The following DNAH8 variants were observed in gnomAD, a reference collection of about 807,000 sequenced individuals.
DNAH8 encodes axonemal beta dynein heavy chain 8.
A neutral mutation model predicts 562.1 loss-of-function variants in DNAH8; 382 were observed. The observed-to-expected ratio is 0.68, with a 90% CI of 0.63 to 0.74. The LOEUF (loss-of-function observed/expected upper bound fraction) is 0.74, where lower values mean the gene tolerates loss of function less well. DNAH8 is among the 30% of genes least tolerant of loss of function. The pLI is 0.00. For synonymous variants in DNAH8, 1,881 were observed against 1,919.4 expected (o/e 0.98, Z 0.52); for missense variants, 5,203 against 5,620.4 (o/e 0.93, Z 2.37).
chr6:38,840,012 C>T (rs1465871628), intron 33 of DNAH8, among the ~76,000 whole-genome samples: 1 of 152,162 alleles, frequency 6.6e-6, no homozygotes, highest in Non-Finnish European at 1.5e-5. Flanking sequence ...AGAGTAAACT[C>T]AAACTTTTAT....
chr6:38,732,553 C>T lies in DNAH8; in HGVS notation c.611-1921C>T, dbSNP rs549544082. 3.7e-4 allele frequency among the ~76,000 whole-genome samples: 57 copies of T among 152,040 alleles called. 1 individual carries two copies. Among genetic ancestry groups the T allele is most frequent in the African/African-American group, 8.0e-4 (33 of 41,466 alleles). ...GAGTGGAAAGCAGTGTTTCGGGAGG[C>T]GGAAGGTGGATAACAAAATTTAGAA... On this transcript the variant is annotated intron_variant, in intron 4 of 92. Coordinates refer to ENST00000327475, the MANE Select transcript of DNAH8 (RefSeq NM_001206927.2).
At chr6:38,824,298 G>C (rs138459329) in intron 28 of DNAH8, among the ~76,000 whole-genome samples, 1 of 152,314 alleles carries the variant, frequency 6.6e-6, no homozygotes, top group Non-Finnish European at 1.5e-5. Context: ...GACGTAGACA[G>C]GTTGACATCA....
Position 38,868,098 on chromosome 6 carries a change from G to A in DNAH8, c.6730G>A (p.Val2244Ile), listed in dbSNP as rs200708402. 23 of 1,613,532 alleles carry A rather than the reference G, an allele frequency of 1.4e-5. 1 individual carries two copies. In the East Asian group the frequency reaches 4.7e-4, roughly 33 times the overall value. ...YDFGLRNILS[V>I]LRTLGSQKRA... is the part of the protein sequence containing the mutation. Reference sequence around the variant, plus strand: ...CTTTGGATTGAGAAATATTCTGTCTGTATTGAGGACTCTTGGATCTCAAAA... The same window carrying A: ...CTTTGGATTGAGAAATATTCTGTCTATATTGAGGACTCTTGGATCTCAAAA... Residue 2244 changes from valine to isoleucine, a missense_variant, in exon 48 of 93, where the codon GTA becomes ATA. By Grantham distance (29) the Val-to-Ile change is conservative. Transcript: ENST00000327475.
At chr6:39,029,032 G>C (rs1410191308) in intron 92 of DNAH8, among the ~76,000 whole-genome samples, 1 of 152,146 alleles carries the variant, frequency 6.6e-6, no homozygotes, top group African/African-American at 2.4e-5. Flanking sequence ...TACCTATTTG[G>C]TGAGCTGGCA....
intron 10 of DNAH8, among the ~76,000 whole-genome samples, chr6:38,758,283 T>C (rs1313788684): frequency 3.3e-5 from 5 of 151,940 alleles, no homozygotes; most frequent in Non-Finnish European, 4.4e-5. Flanking sequence ...TTATTCTCTT[T>C]GAAGCAATTG....
At chr6:38,961,499 A>G (rs1332082972) in intron 82 of DNAH8, among the ~76,000 whole-genome samples, 1 of 152,020 alleles carries the variant, frequency 6.6e-6, no homozygotes, top group Non-Finnish European at 1.5e-5. Context: ...CTTGCAAATA[A>G]TAACGTGCCT....
chr6:38,874,068 T>TTCTTTCTTTCTTTCTTTCTTTCTTTC (rs377254876), intron 52 of DNAH8, among the ~76,000 whole-genome samples: 3 of 57,060 alleles, frequency 5.3e-5, no homozygotes, highest in Non-Finnish European at 7.0e-5. Context: ...CTTTCTTTCT[T>TTCTTTCTTTCTTTCTTTCTTTCTTTC]TTTCTTTCTT....
intron 87 of DNAH8, among the ~76,000 whole-genome samples, chr6:38,988,168 A>G (rs1223642821): frequency 6.6e-6 from 1 of 152,162 alleles, no homozygotes; most frequent in Non-Finnish European, 1.5e-5. Flanking sequence ...CTCTGTTCTC[A>G]GCATCTTACA....
intron 91 of DNAH8, among the ~76,000 whole-genome samples, chr6:39,015,149 T>G (rs1010373441): frequency 3.3e-5 from 5 of 152,132 alleles, no homozygotes; most frequent in Non-Finnish European, 7.4e-5. Context: ...CCAATGATTT[T>G]CAAAAGTGTG....
At chr6:38,811,766 G>C (rs1045351621) in intron 24 of DNAH8, among the ~76,000 whole-genome samples, 1 of 152,082 alleles carries the variant, frequency 6.6e-6, no homozygotes, top group African/African-American at 2.4e-5. Context: ...GGCTCTCTTT[G>C]AGCGAGAGCT....
intron 61 of DNAH8, among the ~76,000 whole-genome samples, chr6:38,899,121 A>G (rs914003681): frequency 2.0e-5 from 3 of 152,196 alleles, no homozygotes; most frequent in African/African-American, 4.8e-5. Context: ...AATTGGTGAC[A>G]ATAATATAAA....
intron 21 of DNAH8, among the ~76,000 whole-genome samples, chr6:38,797,581 A>G (rs1222334298): frequency 1.3e-5 from 2 of 152,066 alleles, no homozygotes; most frequent in Non-Finnish European, 1.5e-5. Flanking sequence ...GACCTTATCT[A>G]TGCTTCCAAT....
At chr6:38,882,481 A>G (rs1778571065) in intron 53 of DNAH8, among the ~76,000 whole-genome samples, 1 of 152,162 alleles carries the variant, frequency 6.6e-6, no homozygotes, top group Non-Finnish European at 1.5e-5. Flanking sequence ...AATACTGCGT[A>G]TTTTCAATTA....
In DNAH8 at chr6:38,783,001, C is replaced by G; in HGVS notation, c.2260-3C>G. On this transcript the variant is annotated splice_region_variant and splice_polypyrimidine_tract_variant and intron_variant, in intron 16 of 92. Coordinates refer to ENST00000327475, the MANE Select transcript of DNAH8 (RefSeq NM_001206927.2). The stretch of plus-strand genomic sequence containing the variant: ...AAGTAAATCTTTTCCCTTAAAAAAA[C>G]AGAAAAACTCAGACATTTTATCAAG... 2 of 1,608,562 alleles carry G rather than the reference C, an allele frequency of 1.2e-6. No individual in the cohort carries two copies. The highest frequency in any genetic ancestry group is 1.3e-5 in the African/African-American group (1 of 74,732).
intron 44 of DNAH8, among the ~76,000 whole-genome samples, chr6:38,863,433 CAA>C (rs888333977): frequency 1.5e-4 from 23 of 151,786 alleles, no homozygotes; most frequent in African/African-American, 5.3e-4. Flanking sequence ...CCAAAAAAAA[CAA>C]AACAAAACAA....
At chr6:38,875,525 A>G (rs1777927909) in intron 52 of DNAH8, 66 bp from the exon 53 acceptor site, 2 of 944,930 alleles carry the variant, frequency 2.1e-6, no homozygotes, top group Non-Finnish European at 3.1e-6. Flanking sequence ...TAATTTTACT[A>G]TTATTTACAA....
At chr6:38,792,669 C>T (rs1005994808) in intron 21 of DNAH8, among the ~76,000 whole-genome samples, 18 of 152,148 alleles carry the variant, frequency 1.2e-4, no homozygotes, top group African/African-American at 4.3e-4. Flanking sequence ...CCTGTTTATC[C>T]TCCATTGACT....
chr6:38,752,303 A>G (rs1765533572), intron 9 of DNAH8, among the ~76,000 whole-genome samples: 1 of 152,080 alleles, frequency 6.6e-6, no homozygotes, highest in Admixed American at 6.5e-5. Flanking sequence ...AGCTGGGATT[A>G]CAGGTGCATG....
intron 88 of DNAH8, among the ~76,000 whole-genome samples, chr6:38,996,256 A>G (rs1765123840): frequency 6.6e-6 from 1 of 151,948 alleles, no homozygotes; most frequent in Non-Finnish European, 1.5e-5. Flanking sequence ...CTATAAATCT[A>G]TGGCCTATGT....
Sources: gnomAD v4.1 joint callset for allele counts (sites outside exome capture counted in the v4.1 genomes callset) on GRCh38, gnomAD v4.1.1 for gene constraint, MANE v1.5 for transcripts, NCBI Gene and HGNC (gene_info 2026-07-23, HGNC 2026-07-21) for gene names.